Variants in FARP2 observed in about 807,000 individuals in gnomAD.
FARP2 encodes FERM, ARHGEF and pleckstrin domain-containing protein 2.
In FARP2, 111 loss-of-function variants were observed where a neutral mutation model predicts 130.5. The ratio of observed to expected loss-of-function variants is 0.85; its 90% CI spans 0.73 to 1.00. The LOEUF (loss-of-function observed/expected upper bound fraction) is 1.00. FARP2 is among the 50% of genes least tolerant of loss of function. The pLI is 0.00. For missense variants in FARP2, 1,385 were observed against 1,346.3 expected, an observed-to-expected ratio of 1.03 and a Z score of -0.45; for synonymous variants, 504 against 516.9, an observed-to-expected ratio of 0.98 and a Z score of 0.34.
intron 14 of FARP2, 51 bp downstream of exon 14, chr2:241,456,973 T>A: frequency 6.8e-7 from 1 of 1,480,414 alleles, no homozygotes; most frequent in Non-Finnish European, 9.0e-7. Flanking sequence ...GGTGGGCCTG[T>A]TTTCACTGTT....
At chr2:241,385,922 T>C (rs1705880723) in intron 2 of FARP2, among the ~76,000 whole-genome samples, 1 of 152,194 alleles carries the variant, frequency 6.6e-6, no homozygotes, top group South Asian at 2.1e-4. Context: ...TAGCTTCCCA[T>C]TGTGAATGTG....
At chr2:241,473,816 G>A (rs1187172423) in intron 18 of FARP2, among the ~76,000 whole-genome samples, 2 of 152,214 alleles carry the variant, frequency 1.3e-5, no homozygotes, top group East Asian at 3.8e-4. Flanking sequence ...CAGAGCAATA[G>A]GGTTGGTAGC....
rs370571759 is a variant in FARP2 at position 241,436,545 on chromosome 2, C to A, written c.1158+7C>A. On this transcript the variant is annotated splice_region_variant and intron_variant, in intron 12 of 26. Coordinates refer to ENST00000264042, the MANE Select transcript of FARP2 (RefSeq NM_014808.4). ...TGCAGACCTACCAAAACAGGTTAGT[C>A]TCTTCCGGTTCAACATGGGGGCAGT... 1 of 1,613,572 alleles carries A rather than the reference C, an allele frequency of 6.2e-7. No individual in the cohort carries two copies.
In FARP2 at chr2:241,357,154, A is replaced by T. The variant is rs185818361; in HGVS notation, c.-25+766A>T. ...TCATTGAAGGAAAGATTGTCAATAC[A>T]TAGTGTTAAAAAGGGATGGGCAAAT... On this transcript the variant is annotated intron_variant, in intron 1 of 26. Coordinates refer to ENST00000264042, the MANE Select transcript of FARP2 (RefSeq NM_014808.4). 4.1e-4 allele frequency among the ~76,000 whole-genome samples: 63 copies of T among 152,372 alleles called. 1 individual carries two copies. In the East Asian group the frequency reaches 4.6e-3, roughly 11 times the overall value.
intron 25 of FARP2, 25 bp downstream of exon 25, chr2:241,493,061 A>G (rs967186681): frequency 3.0e-6 from 4 of 1,312,082 alleles, no homozygotes; most frequent in African/African-American, 1.4e-5. Flanking sequence ...CTGGAGCCCA[A>G]TGCAGGTGAT....
chr2:241,494,159 A>G lies in FARP2; in HGVS notation c.*34A>G. ...CTGCCCAGGTTTGGACACAACTACAAAGAACAGCAGGACACAGAGGTGACC... is the reference window on the plus strand; with the variant it reads ...CTGCCCAGGTTTGGACACAACTACAGAGAACAGCAGGACACAGAGGTGACC... On this transcript the variant is annotated 3_prime_UTR_variant, in exon 27 of 27. Coordinates refer to ENST00000264042, the MANE Select transcript of FARP2 (RefSeq NM_014808.4). This position sits in a 1 kb window ranked among gnomAD's most constrained non-coding sequence, Gnocchi z 4.9. 7.5e-7 allele frequency: 1 copy of G among 1,327,954 alleles called. No homozygotes were observed. Among genetic ancestry groups the G allele is most frequent in the Non-Finnish European group, 1.0e-6 (1 of 986,344 alleles). The allele number at this position is 1,327,954 out of a possible 1,614,324, so 82.3% of individuals were successfully genotyped here. A position where few individuals can be genotyped will look rare whatever the true frequency, so the allele number is the denominator to read the frequency against.
At chr2:241,422,926 A>C (rs560113478) in intron 8 of FARP2, among the ~76,000 whole-genome samples, 3 of 152,198 alleles carry the variant, frequency 2.0e-5, no homozygotes, top group Non-Finnish European at 4.4e-5. Flanking sequence ...AAAGAATGAA[A>C]AGGAATGACA....
In FARP2 at chr2:241,491,103, C is replaced by T. The variant is rs144335206; in HGVS notation, c.2547C>T (p.Ser849=). 8.6e-5 allele frequency: 138 copies of T among 1,613,390 alleles called. 1 individual carries two copies. The highest frequency in any genetic ancestry group is 1.1e-4 in the Non-Finnish European group (127 of 1,179,982). The change falls in exon 23 of 27, where the codon TCC becomes TCT. Residue 849 remains serine (S), a synonymous_variant. Coordinates refer to ENST00000264042, the MANE Select transcript of FARP2 (RefSeq NM_014808.4). The part of the protein sequence containing the change: ...EKEKWMLDLN[S]AIQAAKSGGD... ...AGAAGTGGATGCTGGACCTGAACTC[C>T]GCGATCCAAGCAGCCAAGAGTGGCG...
rs760164921 is a variant in FARP2, at chr2:241,458,458, TCTC to T, written c.1587+1542_1587+1544del. On this transcript the variant is annotated intron_variant, in intron 14 of 26. Transcript: ENST00000264042. The stretch of plus-strand genomic sequence containing the variant: ...AGGTAGGATGGCACAGGCAGGGCAG[TCTC>T]CTCCTTCCTGGTGCCCTGAGGGTCC... Among the ~76,000 whole-genome samples the T allele has an allele frequency of 6.6e-5, 10 of 152,254 alleles. No homozygotes were observed. In the South Asian group the frequency reaches 1.0e-3, roughly 16 times the overall value.
intron 13 of FARP2, among the ~76,000 whole-genome samples, chr2:241,455,735 C>CTT (rs1180839402): frequency 0.028 from 2,662 of 94,748 alleles, 103 homozygotes; most frequent in Admixed American, 0.071. Context: ...CTAAAGTTTT[C>CTT]TTTTTTTTTT....
chr2:241,464,151 C>T (rs1392131567), intron 17 of FARP2, among the ~76,000 whole-genome samples, 171 bp downstream of exon 17: 1 of 151,032 alleles, frequency 6.6e-6, no homozygotes, highest in Non-Finnish European at 1.5e-5. Context: ...GAGCAGGATC[C>T]CTCCAGACCA....
At chr2:241,481,747 G>A (rs973431471) in intron 19 of FARP2, among the ~76,000 whole-genome samples, 1 of 152,166 alleles carries the variant, frequency 6.6e-6, no homozygotes, top group African/African-American at 2.4e-5. Context: ...TGGTGGCCCA[G>A]GGAACTGTCA....
At chr2:241,406,119 TGG>T (rs1559738685) in intron 4 of FARP2, among the ~76,000 whole-genome samples, 2 of 151,608 alleles carry the variant, frequency 1.3e-5, no homozygotes, top group Admixed American at 6.6e-5. Context: ...CTGGCTAACA[TGG>T]TGAAACTCCG....
intron 2 of FARP2, among the ~76,000 whole-genome samples, chr2:241,402,137 G>T (rs1474801667): frequency 1.2e-4 from 18 of 152,192 alleles, no homozygotes; most frequent in Admixed American, 1.2e-3. Context: ...GTTTAGGTCT[G>T]TACAGTTGTA....
chr2:241,381,938 A>G (rs184497147), intron 2 of FARP2, among the ~76,000 whole-genome samples: 1 of 152,304 alleles, frequency 6.6e-6, no homozygotes, highest in Non-Finnish European at 1.5e-5. Context: ...TAGAAGACCA[A>G]TCAACGCCAT....
rs922940431 is a variant in FARP2, at chr2:241,427,270, A to T, written c.772-4409A>T. ...ACACACACATATATGTGTCTGTGTAATTTTTTAAAAAATACAAATTTAACA... is the reference window on the plus strand; with the variant it reads ...ACACACACATATATGTGTCTGTGTATTTTTTTAAAAAATACAAATTTAACA... On this transcript the variant is annotated intron_variant, in intron 8 of 26. Transcript: ENST00000264042. Among the ~76,000 whole-genome samples, 9 of 152,252 alleles carry T rather than the reference A, an allele frequency of 5.9e-5. No individual in the cohort carries two copies. In the East Asian group the frequency reaches 1.2e-3, roughly 20 times the overall value.
intron 17 of FARP2, chr2:241,466,244 A>G (rs918427007): frequency 1.0e-6 from 1 of 985,414 alleles, no homozygotes; most frequent in Admixed American, 6.1e-5. Flanking sequence ...CTACAGTGCA[A>G]GTGTGGTCCC....
Position 241,456,486 on chromosome 2 carries a change from G to C in FARP2, c.1412-261G>C, listed in dbSNP as rs2063839869. ...CTAGAAACACAAGGTTGGTATCCAG[G>C]CCCCCCTAGAGTCCGGGGAGGATCC... On this transcript the variant is annotated intron_variant, in intron 13 of 26. Transcript: ENST00000264042. The C allele has an allele frequency of 2.0e-5, 8 of 392,722 alleles. No homozygotes were observed. The East Asian group carries it at 3.8e-4, about 19-fold the overall frequency. 24.3% of individuals were successfully genotyped at this position (392,722 alleles called of 1,614,324 possible).
At chr2:241,433,166 A>G (rs964496631) in intron 9 of FARP2, among the ~76,000 whole-genome samples, 1 of 152,158 alleles carries the variant, frequency 6.6e-6, no homozygotes, top group African/African-American at 2.4e-5. Flanking sequence ...ATTCGAGATG[A>G]TAGGGAAAGT....
Sources: allele counts gnomAD v4.1 joint callset (sites outside exome capture counted in the v4.1 genomes callset), GRCh38; gene constraint gnomAD v4.1.1; non-coding constraint Gnocchi (gnomAD v3.1); transcripts MANE v1.5; gene names NCBI Gene and HGNC (gene_info 2026-07-23, HGNC 2026-07-21).